JAK2: variants seen among roughly 807,000 people sequenced by gnomAD.
JAK2 encodes the protein tyrosine-protein kinase JAK2.
Under a neutral mutation model 139.3 loss-of-function variants are expected in JAK2, and 86 were observed. That is an observed-to-expected ratio of 0.62 (90% CI 0.52 to 0.74). The LOEUF (loss-of-function observed/expected upper bound fraction) is 0.74, where lower values mean the gene tolerates loss of function less well. Among genes scored for constraint, JAK2 ranks in the 30% least tolerant of loss-of-function variants. The pLI is 0.00. For synonymous variants in JAK2, 490 were observed against 437.7 expected (o/e 1.12, Z -1.49); for missense variants, 1,421 against 1,360.3 (o/e 1.04, Z -0.70).
rs150809059 is a variant in JAK2 at position 5,027,011 on chromosome 9, A to G, written c.227-2772A>G. Among the ~76,000 whole-genome samples the G allele has an allele frequency of 4.6e-3, 705 of 152,286 alleles. 6 individuals carry two copies. The highest frequency in any genetic ancestry group is 0.016 in the African/African-American group (669 of 41,544). On this transcript the variant is annotated intron_variant, in intron 3 of 24. Transcript: ENST00000381652. ...TTCATGACTTCTAAATATTTTTGTG[A>G]TTTGATACCTATTAATTAAAACAAC...
intron 18 of JAK2, among the ~76,000 whole-genome samples, chr9:5,081,040 C>T (rs913478934): frequency 1.3e-5 from 2 of 151,572 alleles, no homozygotes; most frequent in South Asian, 2.1e-4. Flanking sequence ...GGACTACAGG[C>T]GCCCGCCACC....
At chr9:5,064,028 TGCCTGTAATCCCA>T (rs1194980029) in intron 8 of JAK2, among the ~76,000 whole-genome samples, 1 of 152,070 alleles carries the variant, frequency 6.6e-6, no homozygotes, top group Admixed American at 6.5e-5. Flanking sequence ...TCTTGGCGTG[TGCCTGTAATCCCA>T]GCTTTTTGGG....
intron 4 of JAK2, among the ~76,000 whole-genome samples, chr9:5,033,532 A>G (rs1038485985): frequency 6.6e-6 from 1 of 152,258 alleles, no homozygotes; most frequent in African/African-American, 2.4e-5. Context: ...TCAGACTAAC[A>G]GCAGATCTCT....
At chr9:5,105,167 C>G (rs1821849407) in intron 22 of JAK2, among the ~76,000 whole-genome samples, 1 of 152,234 alleles carries the variant, frequency 6.6e-6, no homozygotes, top group Non-Finnish European at 1.5e-5. Context: ...ACTTGGTCAT[C>G]TCAGCCCCAA....
intron 22 of JAK2, chr9:5,096,668 G>T (rs1367725120): frequency 6.6e-6 from 1 of 152,022 alleles, no homozygotes; most frequent in Non-Finnish European, 1.5e-5. Context: ...TTCCACTTAT[G>T]TTCATCAATT....
rs1824031369 is a variant in JAK2, at chr9:5,126,826, T to A, written c.*35T>A. 6 of 1,330,232 alleles carry A rather than the reference T, an allele frequency of 4.5e-6. No individual in the cohort carries two copies. The South Asian group carries it at 7.3e-5, about 16-fold the overall frequency. 82.4% of individuals were successfully genotyped at this position (1,330,232 alleles called of 1,614,324 possible). ...CCTTCATTCTGAGACCAAAGTAGAT[T>A]TACAGAACAAAGTTTTATATTTCAC... On this transcript the variant is annotated 3_prime_UTR_variant, in exon 25 of 25. Coordinates refer to ENST00000381652, the MANE Select transcript of JAK2 (RefSeq NM_004972.4).
chr9:5,051,650 A>G (rs1817423384), intron 6 of JAK2, among the ~76,000 whole-genome samples: 1 of 152,176 alleles, frequency 6.6e-6, no homozygotes, highest in Non-Finnish European at 1.5e-5. Flanking sequence ...ATATATAAGA[A>G]TGGTTTAAGT....
chr9:5,037,410 A>G (rs1816132620), intron 4 of JAK2, among the ~76,000 whole-genome samples: 1 of 152,222 alleles, frequency 6.6e-6, no homozygotes, highest in African/African-American at 2.4e-5. Flanking sequence ...ATGCACACGT[A>G]TGTTTATTGC....
intron 6 of JAK2, among the ~76,000 whole-genome samples, chr9:5,052,697 G>A (rs930461125): frequency 6.6e-6 from 1 of 151,958 alleles, no homozygotes; most frequent in Non-Finnish European, 1.5e-5. Flanking sequence ...TGTTTGCGTG[G>A]ATTTTCCTGT....
chr9:5,095,939 G>A (rs1820953259), intron 22 of JAK2, among the ~76,000 whole-genome samples: 1 of 152,078 alleles, frequency 6.6e-6, no homozygotes, highest in African/African-American at 2.4e-5. Context: ...AAATTAACAT[G>A]ATTAACACCT....
At chr9:5,051,886 T>C (rs1586706814) in intron 6 of JAK2, among the ~76,000 whole-genome samples, 1 of 152,244 alleles carries the variant, frequency 6.6e-6, no homozygotes. Context: ...TTCAGATGTC[T>C]GTTAGGTCTT....
intron 22 of JAK2, chr9:5,094,539 G>A (rs10117591): frequency 0.52 from 78,874 of 151,788 alleles, 20,653 homozygotes; most frequent in East Asian, 0.55. Flanking sequence ...CACTACTACT[G>A]CTAAGTGGCT....
intron 4 of JAK2, among the ~76,000 whole-genome samples, chr9:5,032,877 C>A (rs752572586): frequency 1.3e-5 from 2 of 152,146 alleles, no homozygotes; most frequent in Non-Finnish European, 1.5e-5. Flanking sequence ...TTACCAGCAA[C>A]GGAACAAAGC....
At chr9:4,990,419 T>C (rs1820174048) in intron 2 of JAK2, among the ~76,000 whole-genome samples, 1 of 152,150 alleles carries the variant, frequency 6.6e-6, no homozygotes, top group Non-Finnish European at 1.5e-5. Flanking sequence ...GTTGAGCGTA[T>C]ATTGTGGATA....
intron 22 of JAK2, among the ~76,000 whole-genome samples, chr9:5,104,513 C>G (rs1361158601): frequency 6.6e-6 from 1 of 152,210 alleles, no homozygotes; most frequent in Non-Finnish European, 1.5e-5. Flanking sequence ...CCTTCTGAAA[C>G]TATTCCAATC....
chr9:5,052,050 G>A (rs950970867), intron 6 of JAK2, among the ~76,000 whole-genome samples: 1 of 152,094 alleles, frequency 6.6e-6, no homozygotes, highest in African/African-American at 2.4e-5. Context: ...ATAGTTGGAG[G>A]AAGAGTATCT....
chr9:5,065,626 G>T (rs1396565455), intron 9 of JAK2, among the ~76,000 whole-genome samples: 1 of 152,162 alleles, frequency 6.6e-6, no homozygotes, highest in Non-Finnish European at 1.5e-5. Flanking sequence ...CATTTAAATA[G>T]CTACATGTGG....
intron 2 of JAK2, among the ~76,000 whole-genome samples, chr9:5,009,268 A>T (rs1821527802): frequency 6.6e-6 from 1 of 152,196 alleles, no homozygotes; most frequent in Non-Finnish European, 1.5e-5. Context: ...AGGAAATGCA[A>T]AAGAGGCAAA....
In JAK2 at chr9:5,066,764, A is replaced by T; in HGVS notation, c.1301A>T (p.Lys434Ile). 4 of 1,561,600 alleles carry T rather than the reference A, an allele frequency of 2.6e-6. No individual in the cohort carries two copies. Among genetic ancestry groups the T allele is most frequent in the Non-Finnish European group, 3.5e-6 (4 of 1,155,868 alleles). Residue 434 changes from lysine (K) to isoleucine (I), a missense_variant, in exon 10 of 25, where the codon AAA (lysine) becomes ATA (isoleucine). Transcript: ENST00000381652. The stretch of plus-strand genomic sequence containing the variant: ...CGATGCAGTCCTAAGGACTTTAATA[A>T]ATATTTTTTGACTTTTGCTGTCGAG... ...VLRCSPKDFNKYFLTFAVERE... is the reference protein window; with the variant it reads ...VLRCSPKDFNIYFLTFAVERE...
Sources: gnomAD v4.1 joint callset for allele counts (sites outside exome capture counted in the v4.1 genomes callset) on GRCh38, gnomAD v4.1.1 for gene constraint, MANE v1.5 for transcripts, NCBI Gene and HGNC (gene_info 2026-07-23, HGNC 2026-07-21) for gene names.